The following MED15 variants were observed in gnomAD, a reference collection of about 807,000 sequenced individuals.
The protein encoded by MED15 is mediator complex subunit 15.
A neutral mutation model predicts 118.7 loss-of-function variants in MED15; 41 were observed. The ratio of observed to expected loss-of-function variants is 0.35; its 90% confidence interval spans 0.27 to 0.45. The LOEUF (loss-of-function observed/expected upper bound fraction) is 0.45. Ranked by LOEUF, MED15 falls within the 20% of genes least tolerant of loss-of-function variation. The pLI, the probability that MED15 is intolerant of heterozygous loss-of-function variation, is 1.00. For synonymous variants in MED15, 436 were observed against 413.9 expected (o/e 1.05, Z -0.65); for missense variants, 740 against 1,025.5 (o/e 0.72, Z 3.80).
At chr22:20,585,543 C>T in intron 16 of MED15, 185 bp from the exon 17 acceptor site, 1 of 681,742 alleles carries the variant, frequency 1.5e-6, no homozygotes, top group Non-Finnish European at 2.5e-6. Context: ...CCTCTGGGCA[C>T]CCATCAATGC....
chr22:20,511,498 GAAAAA>G (rs35887140), intron 1 of MED15, among the ~76,000 whole-genome samples: 1 of 142,642 alleles, frequency 7.0e-6, no homozygotes, highest in African/African-American at 2.5e-5. Flanking sequence ...CTCAAAAAAA[GAAAAA>G]AAAAAAGCAT....
chr22:20,578,514 C>T (rs2056888139), intron 9 of MED15, among the ~76,000 whole-genome samples: 1 of 152,232 alleles, frequency 6.6e-6, no homozygotes, highest in Non-Finnish European at 1.5e-5. Flanking sequence ...CCCCGTGTAC[C>T]AAGGGCATTC....
chr22:20,519,068 G>A (rs887680088), intron 1 of MED15: 2 of 333,582 alleles, frequency 6.0e-6, no homozygotes, highest in Middle Eastern at 1.1e-3. Flanking sequence ...TGTCCAGGCT[G>A]GTCTCCAACT....
chr22:20,583,292 C>A, intron 12 of MED15, 38 bp from the exon 13 acceptor site: 1 of 1,613,540 alleles, frequency 6.2e-7, no homozygotes, highest in South Asian at 1.1e-5. Context: ...GGGACACCAC[C>A]AGGCTTGTGT....
chr22:20,528,678 A>C (rs953486376), intron 1 of MED15, among the ~76,000 whole-genome samples: 1 of 152,192 alleles, frequency 6.6e-6, no homozygotes, highest in Non-Finnish European at 1.5e-5. Context: ...CCTGGCTGCC[A>C]GCATGCTGCT....
intron 4 of MED15, chr22:20,554,725 G>C (rs2055921071): frequency 2.1e-6 from 1 of 477,182 alleles, no homozygotes; most frequent in African/African-American, 2.0e-5. Context: ...GGCCAGGCTA[G>C]AGGTATGGGT....
intron 1 of MED15, among the ~76,000 whole-genome samples, chr22:20,509,278 A>C (rs928735682): frequency 6.6e-6 from 1 of 152,172 alleles, no homozygotes; most frequent in Admixed American, 6.5e-5. Context: ...GTGAAATGCC[A>C]GTGTTGGGAA....
intron 5 of MED15, among the ~76,000 whole-genome samples, chr22:20,560,257 T>A (rs1053945522): frequency 2.7e-5 from 4 of 149,306 alleles, no homozygotes; most frequent in African/African-American, 9.8e-5. Flanking sequence ...ATTTCATTTC[T>A]TTTCTATTAT....
At chr22:20,581,824 T>G (rs117543270) in intron 9 of MED15, 1 of 152,258 alleles carries the variant, frequency 6.6e-6, no homozygotes, top group African/African-American at 2.4e-5. Flanking sequence ...ACTGGGGTGA[T>G]TGATCTTATT....
chr22:20,508,172 T>G (rs1601416763), intron 1 of MED15: 2 of 1,207,894 alleles, frequency 1.7e-6, no homozygotes, highest in Admixed American at 3.7e-5. Context: ...GGGAGGAGGG[T>G]GGATGTAAGA....
chr22:20,584,777 T>C lies in MED15; in HGVS notation c.1804-78T>C, dbSNP rs1326961178. On this transcript the variant is annotated intron_variant, in intron 14 of 17. Transcript: ENST00000263205. Reference sequence around the variant, plus strand: ...TCGGGAATCTGACTGTGAGTGACCATGGGCCTGGGGTGTGAAGGCCCCCTA... The same window carrying C: ...TCGGGAATCTGACTGTGAGTGACCACGGGCCTGGGGTGTGAAGGCCCCCTA... 6 of 1,539,436 alleles carry C rather than the reference T, an allele frequency of 3.9e-6. No homozygotes were observed. In the Admixed American group the frequency reaches 5.3e-5, roughly 13 times the overall value.
chr22:20,573,927 T>TG (rs2146634187), intron 8 of MED15: 1 of 152,366 alleles, frequency 6.6e-6, no homozygotes, highest in East Asian at 1.9e-4. Flanking sequence ...GTTCATCTGT[T>TG]GCTCTGGCTG....
chr22:20,568,486 T>C, intron 7 of MED15, 35 bp from the exon 8 acceptor site: 1 of 1,606,706 alleles, frequency 6.2e-7, no homozygotes, highest in African/African-American at 1.3e-5. Context: ...CTGACCCAGG[T>C]GGTTCCAAAT....
chr22:20,555,538 G>T (rs2055963909), intron 5 of MED15, among the ~76,000 whole-genome samples: 1 of 152,228 alleles, frequency 6.6e-6, no homozygotes, highest in Non-Finnish European at 1.5e-5. Context: ...CTCTTCTAGT[G>T]CTGCCCTTGC....
chr22:20,566,526 ACAGCAGCAGCAGCAGCAGCAG>A lies in MED15; in HGVS notation c.766_786del (p.Gln256_Gln262del). On this transcript the variant is annotated inframe_deletion, in exon 7 of 18. Coordinates refer to ENST00000263205, the MANE Select transcript of MED15 (RefSeq NM_001003891.3). ...CACAGCTGCAGCTCCAACAACAGCA[ACAGCAGCAGCAGCAGCAGCAG>A]CAGCAGCAGCAGCAGGCTTTGCAGG... 44 of 1,601,792 alleles carry A rather than the reference ACAGCAGCAGCAGCAGCAGCAG, an allele frequency of 2.7e-5. 1 individual carries two copies. The Admixed American group carries it at 5.4e-4, about 20-fold the overall frequency.
At chr22:20,582,786 C>G in intron 10 of MED15, 39 bp downstream of exon 10, 3 of 1,594,960 alleles carry the variant, frequency 1.9e-6, no homozygotes, top group Non-Finnish European at 2.6e-6. Flanking sequence ...ACCTGGCCCT[C>G]GAGGCTGGCC....
chr22:20,579,551 C>T (rs1195739780), intron 9 of MED15, among the ~76,000 whole-genome samples: 2 of 152,018 alleles, frequency 1.3e-5, no homozygotes, highest in Non-Finnish European at 2.9e-5. Context: ...GTGGGGATCG[C>T]GCAGTGCCGC....
intron 1 of MED15, among the ~76,000 whole-genome samples, chr22:20,510,213 C>G (rs2054015360): frequency 6.6e-6 from 1 of 152,090 alleles, no homozygotes; most frequent in African/African-American, 2.4e-5. Flanking sequence ...CGGTGAAACC[C>G]TATCTCTACT....
At chr22:20,540,167 G>T (rs931346675) in intron 2 of MED15, among the ~76,000 whole-genome samples, 2 of 152,078 alleles carry the variant, frequency 1.3e-5, no homozygotes, top group East Asian at 3.8e-4. Context: ...TTTACCCAAG[G>T]GGGGCTGTGG....
Sources: allele counts gnomAD v4.1 joint callset (sites outside exome capture counted in the v4.1 genomes callset), GRCh38; gene constraint gnomAD v4.1.1; transcripts MANE v1.5; gene names NCBI Gene and HGNC (gene_info 2026-07-23, HGNC 2026-07-21).